Variants in PHF24 observed in about 807,000 individuals in gnomAD.
PHF24 encodes Galpha inhibitory interacting protein.
In PHF24, 25 loss-of-function variants were observed where a neutral mutation model predicts 42.6. That is an observed-to-expected ratio of 0.59 (90% CI 0.43 to 0.82). PHF24 has a LOEUF of 0.82. PHF24 is among the 40% of genes least tolerant of loss of function. The pLI is 0.00. For synonymous variants in PHF24, 185 were observed against 204.8 expected (o/e 0.90, Z 0.83); for missense variants, 470 against 538.1 (o/e 0.87, Z 1.25).
chr9:34,949,659 C>T, the PHF24 span, among the ~76,000 whole-genome samples: 2 of 152,146 alleles, frequency 1.3e-5, no homozygotes, highest in Admixed American at 6.5e-5. Context: ...CCATGGAATA[C>T]TATGAAGCCA....
At chr9:34,724,170 G>T in the PHF24 span, 20 of 1,551,108 alleles carry the variant, frequency 1.3e-5, no homozygotes, top group African/African-American at 2.3e-4. Context: ...GGGCCACAGG[G>T]TTCCTCCAGG....
At chr9:34,761,478 C>T in the PHF24 span, among the ~76,000 whole-genome samples, 7 of 151,942 alleles carry the variant, frequency 4.6e-5, no homozygotes, top group Non-Finnish European at 7.4e-5. Context: ...GGATAAATAC[C>T]GTAGTGTCAG....
chr9:34,830,935 A>G, the PHF24 span, among the ~76,000 whole-genome samples: 1 of 152,198 alleles, frequency 6.6e-6, no homozygotes, highest in Admixed American at 6.5e-5. Flanking sequence ...ATAACTATGT[A>G]TTTCCCTGAA....
the PHF24 span, among the ~76,000 whole-genome samples, chr9:34,685,790 G>A: frequency 6.6e-6 from 1 of 152,234 alleles, no homozygotes; most frequent in African/African-American, 2.4e-5. Context: ...GCACCCAAAA[G>A]TAGTGGCTTT....
the PHF24 span, among the ~76,000 whole-genome samples, chr9:34,926,635 G>A: frequency 2.0e-5 from 3 of 152,108 alleles, no homozygotes; most frequent in African/African-American, 7.2e-5. This position sits in a 1 kb window ranked among gnomAD's most constrained non-coding sequence, Gnocchi z 4.3. Context: ...TGTTTTTGGG[G>A]CCTGAGACAT....
At chr9:34,745,563 A>G in the PHF24 span, among the ~76,000 whole-genome samples, 1 of 151,986 alleles carries the variant, frequency 6.6e-6, no homozygotes, top group East Asian at 1.9e-4. Flanking sequence ...CACTAAGAGT[A>G]TATAACCATG....
chr9:34,719,715 A>C, the PHF24 span, among the ~76,000 whole-genome samples: 3 of 152,206 alleles, frequency 2.0e-5, no homozygotes, highest in South Asian at 6.2e-4. Context: ...TTCCTACCTG[A>C]TGCTGCTGTG....
the PHF24 span, chr9:34,723,662 C>A: frequency 6.4e-7 from 1 of 1,551,476 alleles, no homozygotes; most frequent in African/African-American, 1.4e-5. Context: ...CATCACCAGC[C>A]CATGCAAAAC....
At chr9:34,696,225 C>T in the PHF24 span, among the ~76,000 whole-genome samples, 4 of 152,028 alleles carry the variant, frequency 2.6e-5, no homozygotes, top group Admixed American at 6.6e-5. Context: ...CAGTGGCTCA[C>T]GCCTGTAATC....
At chr9:34,783,403 A>G in the PHF24 span, among the ~76,000 whole-genome samples, 3 of 152,200 alleles carry the variant, frequency 2.0e-5, no homozygotes, top group African/African-American at 7.2e-5. Flanking sequence ...TTTAATTTCA[A>G]TTGTCTTCAC....
the PHF24 span, among the ~76,000 whole-genome samples, chr9:34,912,498 G>A: frequency 1.6e-4 from 25 of 152,206 alleles, no homozygotes; most frequent in African/African-American, 5.5e-4. Flanking sequence ...TCACCACTAA[G>A]CTGTGTATGT....
At chr9:34,932,255 G>A in the PHF24 span, among the ~76,000 whole-genome samples, 1 of 152,180 alleles carries the variant, frequency 6.6e-6, no homozygotes. Flanking sequence ...CAAATGTCAG[G>A]AAACTAAGCC....
chr9:34,813,339 G>A, the PHF24 span, among the ~76,000 whole-genome samples: 1 of 152,052 alleles, frequency 6.6e-6, no homozygotes, highest in African/African-American at 2.4e-5. Flanking sequence ...TGGCTACAGC[G>A]TTATATTGGT....
chr9:34,928,432 C>T, the PHF24 span, among the ~76,000 whole-genome samples: 4 of 152,066 alleles, frequency 2.6e-5, no homozygotes, highest in South Asian at 8.3e-4. Flanking sequence ...TAAATATATA[C>T]ACCTATATAC....
At chr9:34,844,257 AT>A in the PHF24 span, among the ~76,000 whole-genome samples, 23 of 151,706 alleles carry the variant, frequency 1.5e-4, no homozygotes, top group Admixed American at 5.3e-4. Flanking sequence ...TTTTGTTCAT[AT>A]TTTTTGTTGT....
At chr9:34,928,107 T>C in the PHF24 span, among the ~76,000 whole-genome samples, 1 of 151,560 alleles carries the variant, frequency 6.6e-6, no homozygotes, top group Non-Finnish European at 1.5e-5. Flanking sequence ...TCCCAGCTAC[T>C]TGGGAGGCTG....
At chr9:34,811,276 G>A in the PHF24 span, among the ~76,000 whole-genome samples, 1 of 152,208 alleles carries the variant, frequency 6.6e-6, no homozygotes, top group Non-Finnish European at 1.5e-5. Context: ...AGCTACTATG[G>A]TTTGAATGTG....
the PHF24 span, among the ~76,000 whole-genome samples, chr9:34,682,118 G>A: frequency 2.0e-5 from 3 of 151,038 alleles, no homozygotes; most frequent in Non-Finnish European, 2.9e-5. Context: ...GGGACTACAG[G>A]CACCTGCCAC....
chr9:34,900,577 T>G, the PHF24 span, among the ~76,000 whole-genome samples: 1 of 152,158 alleles, frequency 6.6e-6, no homozygotes. Context: ...CCAGCCTAGG[T>G]GACAGAGTAA....
Sources: gnomAD v4.1 joint callset for allele counts (sites outside exome capture counted in the v4.1 genomes callset) on GRCh38, gnomAD v4.1.1 for gene constraint, Gnocchi (gnomAD v3.1) non-coding constraint, MANE v1.5 for transcripts, NCBI Gene and HGNC (gene_info 2026-07-23, HGNC 2026-07-21) for gene names.